The following SIRPG variants were observed in gnomAD, a reference collection of about 807,000 sequenced individuals.
The protein encoded by SIRPG is signal regulatory protein gamma.
In SIRPG, 38 loss-of-function variants were observed where a neutral mutation model predicts 35.7. The observed-to-expected ratio is 1.06, with a 90% CI of 0.82 to 1.40. The LOEUF (loss-of-function observed/expected upper bound fraction) is 1.40. SIRPG is among the 40% of genes most tolerant of loss of function. The pLI is 0.00. For missense variants in SIRPG, 519 were observed against 483.0 expected, an observed-to-expected ratio of 1.07 and a Z score of -0.70; for synonymous variants, 215 against 190.4, an observed-to-expected ratio of 1.13 and a Z score of -1.06.
intron 4 of SIRPG, among the ~76,000 whole-genome samples, chr20:1,634,908 T>A: frequency 6.6e-6 from 1 of 151,502 alleles, no homozygotes; most frequent in East Asian, 2.0e-4. Flanking sequence ...TCGGGCGTGG[T>A]GGCGGGCGCC....
the SIRPG span, among the ~76,000 whole-genome samples, chr20:1,664,412 A>C: frequency 3.3e-5 from 5 of 152,078 alleles, no homozygotes; most frequent in Non-Finnish European, 7.3e-5. Context: ...GGGAATCCAG[A>C]AGACAGAATA....
chr20:1,643,818 TC>T (rs1401203471), intron 2 of SIRPG, among the ~76,000 whole-genome samples: 1 of 152,190 alleles, frequency 6.6e-6, no homozygotes, highest in Non-Finnish European at 1.5e-5. Context: ...AATGGTCAGG[TC>T]CCTTCCCTGC....
chr20:1,636,062 G>C (rs2091797185), intron 3 of SIRPG, 126 bp downstream of exon 3: 1 of 1,351,400 alleles, frequency 7.4e-7, no homozygotes, highest in Admixed American at 2.2e-5. Flanking sequence ...CTAGGTGCAT[G>C]GCGGGCGGGC....
chr20:1,639,114 A>G (rs1331272827), intron 2 of SIRPG, among the ~76,000 whole-genome samples: 1 of 152,124 alleles, frequency 6.6e-6, no homozygotes, highest in Non-Finnish European at 1.5e-5. Context: ...AGAATGATTT[A>G]TATTCCTTTG....
chr20:1,654,582 G>A (rs2091963776), intron 1 of SIRPG, among the ~76,000 whole-genome samples: 1 of 152,144 alleles, frequency 6.6e-6, no homozygotes, highest in African/African-American at 2.4e-5. Context: ...ATCTGAAACT[G>A]TACAAGAACT....
At chr20:1,668,336 G>T in the SIRPG span, among the ~76,000 whole-genome samples, 1 of 150,390 alleles carries the variant, frequency 6.6e-6, no homozygotes, top group Non-Finnish European at 1.5e-5. Context: ...AGGCTGGAGT[G>T]CAGTGGCATG....
At chr20:1,664,743 TCTC>T in the SIRPG span, among the ~76,000 whole-genome samples, 11 of 152,208 alleles carry the variant, frequency 7.2e-5, no homozygotes, top group Admixed American at 3.3e-4. Context: ...CCGGTGCTGA[TCTC>T]CTCCTGAGAT....
chr20:1,670,320 C>G, the SIRPG span: 1 of 185,670 alleles, frequency 5.4e-6, no homozygotes. Context: ...TAGCTCCCAC[C>G]ACCACGGTGA....
rs1408030935 is a variant in SIRPG at position 1,650,044 on chromosome 20, A to G, written c.74-636T>C. 1.1e-4 allele frequency among the ~76,000 whole-genome samples: 16 copies of G among 141,430 alleles called. No homozygotes were observed. The South Asian group carries it at 1.8e-3, about 16-fold the overall frequency. The allele number at this position is 141,430 out of a possible 152,430, so 92.8% of individuals were successfully genotyped here. A position where few individuals can be genotyped will look rare whatever the true frequency, so the allele number is the denominator to read the frequency against. On this transcript the variant is annotated intron_variant, in intron 1 of 5. Coordinates refer to ENST00000303415, the MANE Select transcript of SIRPG (RefSeq NM_018556.4). The stretch of plus-strand genomic sequence containing the variant: ...TATATATATGTCATATAAGTGTCAT[A>G]TATATTTTTATATATTTTATATATA...
chr20:1,668,358 C>A, the SIRPG span, among the ~76,000 whole-genome samples: 2 of 151,770 alleles, frequency 1.3e-5, no homozygotes, highest in South Asian at 4.1e-4. Flanking sequence ...TCTCGGCTCA[C>A]TGCAACCTCT....
At chr20:1,635,943 T>C (rs1380247235) in intron 3 of SIRPG, among the ~76,000 whole-genome samples, 2 of 152,216 alleles carry the variant, frequency 1.3e-5, no homozygotes, top group Non-Finnish European at 2.9e-5. Context: ...TACTCACTAA[T>C]AGTAGTTGTT....
At chr20:1,672,741 TTTG>T in the SIRPG span, among the ~76,000 whole-genome samples, 18 of 151,006 alleles carry the variant, frequency 1.2e-4, no homozygotes, top group Admixed American at 5.9e-4. Context: ...CGGCCAATCA[TTTG>T]TTGTTGTTGT....
intron 1 of SIRPG, among the ~76,000 whole-genome samples, chr20:1,649,629 CTTTTTTT>C (rs35561366): frequency 7.9e-5 from 6 of 75,764 alleles, no homozygotes; most frequent in Admixed American, 1.8e-4. Flanking sequence ...CAGAGAGGTT[CTTTTTTT>C]TTTTTTTTTT....
chr20:1,636,360 G>A lies in SIRPG; in HGVS notation c.576C>T (p.Phe192=). The A allele has an allele frequency of 6.2e-7, 1 of 1,614,250 alleles. No homozygotes were observed. The highest frequency in any genetic ancestry group is 2.2e-5 in the East Asian group (1 of 44,882). The change falls in exon 3 of 6, where the codon TTC becomes TTT. Residue 192 remains phenylalanine, a synonymous_variant. Transcript: ENST00000303415. Reference sequence around the variant, plus strand: ...GTCCTGTGGGGTCCACGTTGGTCTGGAAGTCTGAGAGCTCATTCCCATTTT... The same window carrying A: ...GTCCTGTGGGGTCCACGTTGGTCTGAAAGTCTGAGAGCTCATTCCCATTTT... The part of the protein sequence containing the change: ...WFKNGNELSD[F]QTNVDPTGQS...
Position 1,649,114 on chromosome 20 carries a change from C to T in SIRPG, c.368G>A (p.Arg123Gln), listed in dbSNP as rs202204320. ...CTCCACGTTCTCAGGGCTCCCTTTT[C>T]GAAACTTCACACAGTAGTATGTGCC... is the stretch of plus-strand genomic sequence containing the variant. ...DVGTYYCVKF[R>Q]KGSPENVEFK... The change falls in exon 2 of 6, where the codon CGA becomes CAA. Residue 123 changes from arginine (R) to glutamine (Q), a missense_variant. Transcript: ENST00000303415. The T allele has an allele frequency of 6.3e-5, 101 of 1,613,764 alleles. No individual in the cohort carries two copies. Among genetic ancestry groups the T allele is most frequent in the Non-Finnish European group, 7.9e-5 (93 of 1,179,874 alleles).
chr20:1,635,744 T>G, intron 3 of SIRPG, 145 bp from the exon 4 acceptor site: 1 of 854,008 alleles, frequency 1.2e-6, no homozygotes, highest in South Asian at 1.8e-5. Context: ...TTGAGGGCGC[T>G]CTTTGCATAT....
the SIRPG span, among the ~76,000 whole-genome samples, chr20:1,677,592 T>G: frequency 6.6e-6 from 1 of 152,206 alleles, no homozygotes; most frequent in Non-Finnish European, 1.5e-5. Context: ...ACCCATAGCA[T>G]AAGTTTCCTA....
the SIRPG span, among the ~76,000 whole-genome samples, chr20:1,674,308 G>T: frequency 1.3e-5 from 2 of 151,974 alleles, no homozygotes; most frequent in African/African-American, 2.4e-5. Context: ...TATCCTTGAG[G>T]CCTGGAGAAG....
chr20:1,669,465 C>T, the SIRPG span, among the ~76,000 whole-genome samples: 1 of 152,198 alleles, frequency 6.6e-6, no homozygotes. Flanking sequence ...AGTCACGGTC[C>T]CCAGGGGGCC....
Sources: gnomAD v4.1 joint callset for allele counts (sites outside exome capture counted in the v4.1 genomes callset) on GRCh38, gnomAD v4.1.1 for gene constraint, MANE v1.5 for transcripts, NCBI Gene and HGNC (gene_info 2026-07-23, HGNC 2026-07-21) for gene names.